The following DAB1 variants were observed in gnomAD, a reference collection of about 807,000 sequenced individuals.
DAB1 encodes the protein DAB adaptor protein 1.
A neutral mutation model predicts 64.6 loss-of-function variants in DAB1; 15 were observed. The ratio of observed to expected loss-of-function variants is 0.23; its 90% CI spans 0.16 to 0.36. The LOEUF is 0.36. Ranked by LOEUF, DAB1 falls within the 10% of genes least tolerant of loss-of-function variation. The pLI is 1.00. For synonymous variants in DAB1, 235 were observed against 251.9 expected, an observed-to-expected ratio of 0.93 and a Z score of 0.64; for missense variants, 596 against 706.7, an observed-to-expected ratio of 0.84 and a Z score of 1.78.
At position 57,444,985 on chromosome 1, in the gene DAB1, G is replaced by A. The variant is rs568495327; in HGVS notation, n.626-153819C>T. 2.6e-5 allele frequency among the ~76,000 whole-genome samples: 4 copies of A among 152,200 alleles called. No individual in the cohort carries two copies. In the East Asian group the frequency reaches 5.8e-4, roughly 22 times the overall value. ...AACAAATGAATGAGTGTTCATCGAC[G>A]AAAAGTTGTATACATTCATCATTAT... On this transcript the variant is annotated intron_variant and non_coding_transcript_variant, in intron 7 of 20. Transcript: ENST00000485760.
At chr1:57,654,005 T>C (rs1646286919) in intron 6 of DAB1, among the ~76,000 whole-genome samples, 1 of 152,222 alleles carries the variant, frequency 6.6e-6, no homozygotes, top group Non-Finnish European at 1.5e-5. Flanking sequence ...AGATCAGATT[T>C]AAACATTTTT....
At chr1:57,608,424 C>T (rs1645687137) in intron 7 of DAB1, among the ~76,000 whole-genome samples, 1 of 151,932 alleles carries the variant, frequency 6.6e-6, no homozygotes, top group Non-Finnish European at 1.5e-5. Flanking sequence ...AATGCATTGC[C>T]CCCTTGCTTG....
rs556932845 is a variant in DAB1, at chr1:57,287,985, G to A, written c.67+2979C>T. Among the ~76,000 whole-genome samples the A allele has an allele frequency of 3.3e-5, 5 of 151,872 alleles. No homozygotes were observed. In the South Asian group the frequency reaches 6.2e-4, roughly 19 times the overall value. ...TAATTTTTGTATTTTTAGTAGAGAC[G>A]GGGTTTCACTGTGTTGGCCAGGCTG... On this transcript the variant is annotated intron_variant, in intron 2 of 14. Transcript: ENST00000371236.
intron 1 of DAB1, chr1:57,862,538 GAAAATATTTGAA>G (rs1405242336): frequency 2.6e-5 from 4 of 152,108 alleles, no homozygotes; most frequent in African/African-American, 9.7e-5. Context: ...CAGGCTGGAA[GAAAATATTTGAA>G]AAAGATTTAT....
At chr1:57,193,389 T>TTTTTTG (rs1480220352) in intron 2 of DAB1, among the ~76,000 whole-genome samples, 1 of 133,308 alleles carries the variant, frequency 7.5e-6, no homozygotes, top group Non-Finnish European at 1.6e-5. Flanking sequence ...ATGTTTTTTT[T>TTTTTTG]TTTTTTTTTT....
At chr1:57,200,479 C>T (rs971246027) in intron 2 of DAB1, among the ~76,000 whole-genome samples, 4 of 152,142 alleles carry the variant, frequency 2.6e-5, no homozygotes, top group Non-Finnish European at 4.4e-5. Flanking sequence ...TGGTTACGAG[C>T]ATGTAGTGTG....
rs552585891 is a variant in DAB1, at chr1:57,782,850, C to T, written n.551+101149G>A. Among the ~76,000 whole-genome samples the T allele has an allele frequency of 2.0e-3, 298 of 152,148 alleles. 2 individuals carry two copies. Among genetic ancestry groups the T allele is most frequent in the African/African-American group, 6.9e-3 (287 of 41,532 alleles). The stretch of plus-strand genomic sequence containing the variant: ...ACATTGCAATAAATAGATTTATTTT[C>T]GTTTGAAGCTTGAAAACCACCATCT... On this transcript the variant is annotated intron_variant and non_coding_transcript_variant, in intron 6 of 20. Transcript: ENST00000485760.
chr1:58,518,602 G>A (rs1053890066), intron 2 of DAB1, among the ~76,000 whole-genome samples: 2 of 151,474 alleles, frequency 1.3e-5, no homozygotes, highest in Admixed American at 1.3e-4. Context: ...AAAAAATTAA[G>A]AGTAAATGAT....
At chr1:57,814,729 C>T (rs557597149) in intron 6 of DAB1, among the ~76,000 whole-genome samples, 1 of 152,254 alleles carries the variant, frequency 6.6e-6, no homozygotes, top group East Asian at 1.9e-4. Flanking sequence ...GAGTTGGAAC[C>T]CGCTCTTATT....
At position 58,435,110 on chromosome 1, in the gene DAB1, T is replaced by C. The variant is rs144514854; in HGVS notation, n.257+70950A>G. 3.2e-3 allele frequency among the ~76,000 whole-genome samples: 486 copies of C among 152,264 alleles called. 2 individuals carry two copies. The highest frequency in any genetic ancestry group is 0.011 in the African/African-American group (457 of 41,548). On this transcript the variant is annotated intron_variant and non_coding_transcript_variant, in intron 3 of 20. Transcript: ENST00000485760. ...CTTGGGACCCCTTTACTGGTTGACT[T>C]CAGATTGGGTTCATCCAATGGGAGA...
intron 4 of DAB1, among the ~76,000 whole-genome samples, chr1:58,247,417 C>T (rs557235712): frequency 1.3e-5 from 2 of 152,228 alleles, no homozygotes; most frequent in South Asian, 4.2e-4. Context: ...TTGACCCAAG[C>T]AAGAGCACAC....
At chr1:57,254,805 T>G (rs535969358) in intron 2 of DAB1, among the ~76,000 whole-genome samples, 2 of 152,270 alleles carry the variant, frequency 1.3e-5, no homozygotes, top group African/African-American at 2.4e-5. Context: ...ATTTAATATT[T>G]GGGATATTTC....
intron 6 of DAB1, among the ~76,000 whole-genome samples, chr1:57,780,032 T>C (rs567975966): frequency 6.6e-6 from 1 of 152,280 alleles, no homozygotes; most frequent in South Asian, 2.1e-4. Flanking sequence ...TCGTACTTAA[T>C]TAAATGGATT....
At chr1:57,054,730 G>A (rs1557637664) in intron 9 of DAB1, among the ~76,000 whole-genome samples, 1 of 152,098 alleles carries the variant, frequency 6.6e-6, no homozygotes, top group Non-Finnish European at 1.5e-5. Context: ...CACCTACCTT[G>A]GCCTCCCAAA....
chr1:58,240,369 A>G (rs1468204071), intron 4 of DAB1, among the ~76,000 whole-genome samples: 1 of 152,176 alleles, frequency 6.6e-6, no homozygotes, highest in Non-Finnish European at 1.5e-5. Context: ...TCCAGTTAGA[A>G]TAAGGATATG....
chr1:57,277,380 T>A (rs1671549298), intron 2 of DAB1, among the ~76,000 whole-genome samples: 2 of 152,174 alleles, frequency 1.3e-5, no homozygotes, highest in African/African-American at 4.8e-5. Flanking sequence ...AAACGGTTTT[T>A]TTTCCTACAA....
chr1:58,452,417 AG>A (rs1454735753), intron 3 of DAB1, among the ~76,000 whole-genome samples: 3 of 152,082 alleles, frequency 2.0e-5, no homozygotes, highest in Admixed American at 6.6e-5. Flanking sequence ...AAGAAGACAA[AG>A]CCACATGTTC....
At chr1:57,445,947 G>T (rs1211993653) in intron 7 of DAB1, among the ~76,000 whole-genome samples, 2 of 152,134 alleles carry the variant, frequency 1.3e-5, no homozygotes, top group Non-Finnish European at 2.9e-5. Context: ...AGTACAAAAG[G>T]AGTATTCTGA....
At chr1:57,615,899 A>C (rs948978531) in intron 7 of DAB1, among the ~76,000 whole-genome samples, 1 of 152,198 alleles carries the variant, frequency 6.6e-6, no homozygotes, top group African/African-American at 2.4e-5. Context: ...GTTCATAATG[A>C]AATACTATCG....
Sources: gnomAD v4.1 joint callset for allele counts (sites outside exome capture counted in the v4.1 genomes callset) on GRCh38, gnomAD v4.1.1 for gene constraint, MANE v1.5 for transcripts, NCBI Gene and HGNC (gene_info 2026-07-23, HGNC 2026-07-21) for gene names.